Variants in DENND5B observed in about 807,000 individuals in gnomAD.
DENND5B encodes the protein DENN domain containing 5B, also known as DENN domain-containing protein 5B.
DENND5B carries 34 observed loss-of-function variants against 140.6 expected under a neutral mutation model. The ratio of observed to expected loss-of-function variants is 0.24; its 90% CI spans 0.18 to 0.32. DENND5B has a LOEUF of 0.32. Among genes scored for constraint, DENND5B ranks in the 10% least tolerant of loss-of-function variants. DENND5B has a pLI of 1.00. For synonymous variants in DENND5B, 551 were observed against 562.1 expected (o/e 0.98, Z 0.28); for missense variants, 1,142 against 1,560.2 (o/e 0.73, Z 4.52).
intron 8 of DENND5B, chr12:31,432,089 G>A: frequency 2.0e-6 from 2 of 985,224 alleles, no homozygotes; most frequent in African/African-American, 1.7e-5. Flanking sequence ...TGCAGGAGGA[G>A]GTGGACCCTG....
chr12:31,565,588 G>C (rs1399360372), intron 1 of DENND5B, among the ~76,000 whole-genome samples: 1 of 152,040 alleles, frequency 6.6e-6, no homozygotes, highest in Admixed American at 6.6e-5. Context: ...ACATATAATA[G>C]GTTTATTAAT....
intron 1 of DENND5B, among the ~76,000 whole-genome samples, chr12:31,560,813 C>T (rs989677619): frequency 6.6e-6 from 1 of 152,144 alleles, no homozygotes; most frequent in Non-Finnish European, 1.5e-5. Context: ...CTTTGGGATA[C>T]TTTTCCCAAA....
chr12:31,391,223 T>C (rs1188113703), intron 19 of DENND5B, among the ~76,000 whole-genome samples: 1 of 152,174 alleles, frequency 6.6e-6, no homozygotes, highest in Non-Finnish European at 1.5e-5. Flanking sequence ...TGGAGTTCCA[T>C]GGAAACACTT....
chr12:31,582,512 AAAGTT>A (rs1158398783), intron 1 of DENND5B, among the ~76,000 whole-genome samples: 1 of 152,266 alleles, frequency 6.6e-6, no homozygotes, highest in African/African-American at 2.4e-5. Flanking sequence ...GGTTTTTTAA[AAAGTT>A]AAAAGTGGTA....
intron 3 of DENND5B, among the ~76,000 whole-genome samples, chr12:31,478,563 C>T (rs975277384): frequency 4.6e-5 from 7 of 151,946 alleles, no homozygotes; most frequent in East Asian, 1.9e-4. Flanking sequence ...TTAGCTGATG[C>T]GGTGGCACAT....
intron 1 of DENND5B, among the ~76,000 whole-genome samples, chr12:31,512,794 T>G (rs1377951685): frequency 6.6e-6 from 1 of 152,210 alleles, no homozygotes; most frequent in Non-Finnish European, 1.5e-5. Flanking sequence ...AGAATGGTTT[T>G]AGATTTACAG....
intron 5 of DENND5B, among the ~76,000 whole-genome samples, chr12:31,448,033 T>A (rs1462434353): frequency 1.3e-5 from 2 of 151,076 alleles, no homozygotes; most frequent in Non-Finnish European, 3.0e-5. Context: ...AAAGAGGGCA[T>A]CAGTAACGAA....
At chr12:31,425,328 A>G (rs550748083) in intron 9 of DENND5B, among the ~76,000 whole-genome samples, 3 of 152,188 alleles carry the variant, frequency 2.0e-5, no homozygotes, top group Non-Finnish European at 4.4e-5. Flanking sequence ...AAAAACAAGA[A>G]ACAATAAAAA....
chr12:31,515,672 T>C (rs1947607648), intron 1 of DENND5B, among the ~76,000 whole-genome samples: 1 of 152,220 alleles, frequency 6.6e-6, no homozygotes, highest in African/African-American at 2.4e-5. Flanking sequence ...TGTTCAATTA[T>C]ATACAATTAA....
intron 1 of DENND5B, among the ~76,000 whole-genome samples, chr12:31,556,744 G>GT (rs896305123): frequency 1.3e-5 from 2 of 152,132 alleles, no homozygotes; most frequent in African/African-American, 4.8e-5. Context: ...AGTCAGGTCT[G>GT]TTTTCTTAAC....
chr12:31,460,687 T>C (rs1212799997), intron 3 of DENND5B, among the ~76,000 whole-genome samples: 2 of 152,222 alleles, frequency 1.3e-5, no homozygotes, highest in African/African-American at 4.8e-5. Context: ...AAAACTGCTC[T>C]TGGCATTTAT....
At chr12:31,449,974 G>A (rs930314761) in intron 5 of DENND5B, among the ~76,000 whole-genome samples, 6 of 151,940 alleles carry the variant, frequency 3.9e-5, no homozygotes, top group South Asian at 2.1e-4. Flanking sequence ...CTTGTGATTC[G>A]CCCGCCTCAG....
chr12:31,396,067 T>TTG (rs1941449876), intron 17 of DENND5B, among the ~76,000 whole-genome samples: 1 of 143,762 alleles, frequency 7.0e-6, no homozygotes. Context: ...TTTTTTTTTT[T>TTG]TTTTTTTTTT....
At chr12:31,433,948 C>T (rs562897462) in intron 7 of DENND5B, among the ~76,000 whole-genome samples, 2 of 152,300 alleles carry the variant, frequency 1.3e-5, no homozygotes, top group South Asian at 4.1e-4. Context: ...TGTGCCACGA[C>T]TGCACTCCTG....
Position 31,479,955 on chromosome 12 carries a change from C to G in DENND5B, c.538G>C (p.Asp180His), listed in dbSNP as rs1945992858. Residue 180 changes from aspartate to histidine, a missense_variant, in exon 3 of 21, where the codon GAT becomes CAT. Coordinates refer to ENST00000389082, the MANE Select transcript of DENND5B (RefSeq NM_144973.4). ...LLKLQRYNSYDISRDTLYVSK... is the reference protein window; with the variant it reads ...LLKLQRYNSYHISRDTLYVSK... Reference sequence around the variant, plus strand: ...ACATACAGGGTGTCTCTGCTAATATCATAGGAGTTGTATCGCTGGAGTTTC... The same window carrying G: ...ACATACAGGGTGTCTCTGCTAATATGATAGGAGTTGTATCGCTGGAGTTTC... 6.2e-7 allele frequency: 1 copy of G among 1,613,998 alleles called. No homozygotes were observed. The highest frequency in any genetic ancestry group is 8.5e-7 in the Non-Finnish European group (1 of 1,179,886).
At position 31,409,389 on chromosome 12, in the gene DENND5B, G is replaced by A. The variant is rs759822082; in HGVS notation, c.2682-5C>T. 68 of 1,488,036 alleles carry A rather than the reference G, an allele frequency of 4.6e-5. No individual in the cohort carries two copies. The highest frequency in any genetic ancestry group is 5.9e-5 in the Non-Finnish European group (66 of 1,112,232). The allele number at this position is 1,488,036 out of a possible 1,614,324, so 92.2% of individuals were successfully genotyped here. On this transcript the variant is annotated splice_region_variant and splice_polypyrimidine_tract_variant and intron_variant, in intron 13 of 20. Transcript: ENST00000389082. ...GCATATCGCTTATAAAGCTTCCTAG[G>A]AAAGGGTAAGACAAGCACAAGACAG...
At chr12:31,409,945 C>A (rs781649900) in intron 13 of DENND5B, among the ~76,000 whole-genome samples, 1 of 152,100 alleles carries the variant, frequency 6.6e-6, no homozygotes, top group Non-Finnish European at 1.5e-5. Context: ...CCTCATTAAG[C>A]CTTGACTAAA....
At chr12:31,447,456 T>C (rs1360861053) in intron 6 of DENND5B, 82 bp downstream of exon 6, 2 of 1,232,548 alleles carry the variant, frequency 1.6e-6, no homozygotes, top group Non-Finnish European at 2.2e-6. Context: ...GAAAATTAAT[T>C]TTGTTGTACG....
intron 17 of DENND5B, among the ~76,000 whole-genome samples, chr12:31,397,417 G>A (rs981204042): frequency 8.6e-5 from 13 of 151,380 alleles, no homozygotes; most frequent in Non-Finnish European, 1.3e-4. Flanking sequence ...ATGTGGTGGC[G>A]GGCACCTGTA....
Sources: gnomAD v4.1 joint callset for allele counts (sites outside exome capture counted in the v4.1 genomes callset) on GRCh38, gnomAD v4.1.1 for gene constraint, MANE v1.5 for transcripts, NCBI Gene and HGNC (gene_info 2026-07-23, HGNC 2026-07-21) for gene names.